Variants in COG6 observed in about 807,000 individuals in gnomAD.
COG6 encodes component of oligomeric golgi complex 6, also known as conserved oligomeric Golgi complex subunit 6.
COG6 carries 74 observed loss-of-function variants against 88.8 expected under a neutral mutation model. That is an observed-to-expected ratio of 0.83 (90% CI 0.69 to 1.01). COG6 has a LOEUF of 1.01. Ranked by LOEUF, COG6 falls within the 50% of genes least tolerant of loss-of-function variation. The pLI is 0.00. For missense variants in COG6, 800 were observed against 797.9 expected, an observed-to-expected ratio of 1.00 and a Z score of -0.03; for synonymous variants, 286 against 278.7, an observed-to-expected ratio of 1.03 and a Z score of -0.26.
chr13:39,753,327 C>G (rs1880728518), downstream of COG6, among the ~76,000 whole-genome samples: 1 of 152,176 alleles, frequency 6.6e-6, no homozygotes, highest in Non-Finnish European at 1.5e-5. Flanking sequence ...GACACCAAAT[C>G]TTTTGGTGCC....
chr13:39,768,855 G>T (rs773096821), intron 18 of COG6, among the ~76,000 whole-genome samples: 1 of 151,832 alleles, frequency 6.6e-6, no homozygotes, highest in Admixed American at 6.6e-5. Flanking sequence ...CCCACCCCCC[G>T]CCTACCATCA....
In COG6 at chr13:39,717,837, A is replaced by G. The variant is rs1004694834; in HGVS notation, c.1285-1399A>G. 2.0e-5 allele frequency among the ~76,000 whole-genome samples: 3 copies of G among 152,156 alleles called. No individual in the cohort carries two copies. In the East Asian group the frequency reaches 5.8e-4, roughly 29 times the overall value. The stretch of plus-strand genomic sequence containing the variant: ...GCACCACTGCACTTTATCCTGAGTG[A>G]CAGAGAAAGACCCTGTCAAAAACAA... On this transcript the variant is annotated intron_variant, in intron 13 of 18. Transcript: ENST00000455146.
chr13:39,748,901 C>G (rs992645070), intron 18 of COG6, among the ~76,000 whole-genome samples: 1 of 152,130 alleles, frequency 6.6e-6, no homozygotes, highest in African/African-American at 2.4e-5. Flanking sequence ...TTTCCTTATT[C>G]CATCCAACTA....
At chr13:39,786,185 A>G (rs1881767577) in intron 18 of COG6, among the ~76,000 whole-genome samples, 1 of 152,178 alleles carries the variant, frequency 6.6e-6, no homozygotes, top group African/African-American at 2.4e-5. Flanking sequence ...AGAGAGGAGG[A>G]AATCAGTGAC....
At chr13:39,703,939 GC>G (rs1877732842) in intron 13 of COG6, among the ~76,000 whole-genome samples, 5 of 149,500 alleles carry the variant, frequency 3.3e-5, no homozygotes, top group Admixed American at 2.7e-4. Context: ...TCACTATGTT[GC>G]CCAGGCTTGT....
chr13:39,694,861 TC>T (rs1877178677), intron 12 of COG6, 136 bp downstream of exon 12: 1 of 556,532 alleles, frequency 1.8e-6, no homozygotes, highest in Non-Finnish European at 3.3e-6. Flanking sequence ...TAGTAGGACT[TC>T]CACACCATGT....
intron 18 of COG6, among the ~76,000 whole-genome samples, chr13:39,750,069 G>T (rs1413598395): frequency 1.3e-5 from 2 of 152,124 alleles, no homozygotes; most frequent in African/African-American, 4.8e-5. Flanking sequence ...AACAGAAGTA[G>T]GAAACTACAA....
chr13:39,775,057 C>T (rs11840841), intron 18 of COG6, among the ~76,000 whole-genome samples: 1 of 152,158 alleles, frequency 6.6e-6, no homozygotes, highest in East Asian at 1.9e-4. Context: ...ATTTCCATTG[C>T]TCATTGCTCT....
chr13:39,743,567 C>G (rs1880168367), intron 18 of COG6, among the ~76,000 whole-genome samples: 1 of 152,106 alleles, frequency 6.6e-6, no homozygotes, highest in Admixed American at 6.6e-5. Context: ...GAAGTTGAAT[C>G]TCTGAATAGA....
chr13:39,725,663 T>C (rs1037160632), intron 17 of COG6, among the ~76,000 whole-genome samples: 1 of 144,122 alleles, frequency 6.9e-6, no homozygotes, highest in East Asian at 2.1e-4. Flanking sequence ...AAAGACACTA[T>C]ATAGAAGCAA....
chr13:39,724,071 C>T (rs1003961799), intron 16 of COG6, among the ~76,000 whole-genome samples: 1 of 152,008 alleles, frequency 6.6e-6, no homozygotes, highest in Non-Finnish European at 1.5e-5. Context: ...GGCCCAGAAA[C>T]TCTTAAATGA....
chr13:39,692,164 G>A (rs987663449), intron 11 of COG6, among the ~76,000 whole-genome samples: 5 of 151,998 alleles, frequency 3.3e-5, no homozygotes, highest in African/African-American at 1.2e-4. Flanking sequence ...TGTGCTCTAA[G>A]TTTAAGATTG....
chr13:39,711,850 A>G (rs945255076), intron 13 of COG6, among the ~76,000 whole-genome samples: 28 of 152,086 alleles, frequency 1.8e-4, no homozygotes, highest in Non-Finnish European at 3.5e-4. Context: ...CATGATGTGC[A>G]TACAGTTTTG....
intron 3 of COG6, among the ~76,000 whole-genome samples, chr13:39,663,280 A>G (rs142612129): frequency 1.7e-3 from 264 of 152,252 alleles, no homozygotes; most frequent in African/African-American, 6.1e-3. Flanking sequence ...ATTATATAAC[A>G]TTGTGCTAAA....
intron 8 of COG6, among the ~76,000 whole-genome samples, chr13:39,686,895 A>T (rs1010141851): frequency 7.0e-6 from 1 of 143,520 alleles, no homozygotes; most frequent in Non-Finnish European, 1.5e-5. Flanking sequence ...ATGCCTGGCT[A>T]TTTTTTTTTT....
chr13:39,736,458 C>T (rs769528110), intron 18 of COG6, among the ~76,000 whole-genome samples: 2 of 152,028 alleles, frequency 1.3e-5, no homozygotes, highest in African/African-American at 2.4e-5. Context: ...TTTGGGAGGC[C>T]GAGACACTTG....
rs1231695663 is a variant in COG6 at position 39,776,217 on chromosome 13, G to GA, written c.1827-12110dup. 3.6e-4 allele frequency among the ~76,000 whole-genome samples: 54 copies of GA among 152,072 alleles called. No individual in the cohort carries two copies. In the Middle Eastern group the frequency reaches 0.014, roughly 38 times the overall value. ...GCTTTGTTTCTAGGAACTCTGAGGT[G>GA]AAAAAAAAGAGGCAGAGGAGGGAGG... On this transcript the variant is annotated intron_variant, in intron 18 of 18. Transcript: ENST00000416691.
exon 19 of COG6, chr13:39,790,333 A>G (rs1307134294): frequency 6.6e-6 from 1 of 152,168 alleles, no homozygotes; most frequent in Admixed American, 6.5e-5. Flanking sequence ...GTAAGGCTTA[A>G]AATTGTGTAG....
At chr13:39,728,751 G>A (rs1357791028) in intron 18 of COG6, among the ~76,000 whole-genome samples, 2 of 151,190 alleles carry the variant, frequency 1.3e-5, no homozygotes, top group African/African-American at 4.9e-5. Flanking sequence ...TGCAATCTCT[G>A]CCTCCCAGGT....
Sources: allele counts gnomAD v4.1 joint callset (sites outside exome capture counted in the v4.1 genomes callset), GRCh38; gene constraint gnomAD v4.1.1; transcripts MANE v1.5; gene names NCBI Gene and HGNC (gene_info 2026-07-23, HGNC 2026-07-21).